The following KIAA1755 variants were observed in gnomAD, a reference collection of about 807,000 sequenced individuals.
KIAA1755 encodes KIAA1755.
In KIAA1755, 68 loss-of-function variants were observed where a neutral mutation model predicts 91.7. The ratio of observed to expected loss-of-function variants is 0.74; its 90% CI spans 0.61 to 0.91. The LOEUF is 0.91. Ranked by LOEUF, KIAA1755 falls within the 40% of genes least tolerant of loss-of-function variation. The pLI, the probability that KIAA1755 is intolerant of heterozygous loss-of-function variation, is 0.00. For missense variants in KIAA1755, 1,535 were observed against 1,494.4 expected, an observed-to-expected ratio of 1.03 and a Z score of -0.45; for synonymous variants, 610 against 604.6, an observed-to-expected ratio of 1.01 and a Z score of -0.13.
rs781333752 is a variant in KIAA1755 at position 38,223,646 on chromosome 20, A to C, written c.2170-10T>G. ...GGAAAGGGTCCAGCTTCTGCAGGAC[A>C]GAGGACCAAAGGGCAGGTGTCAGCC... On this transcript the variant is annotated splice_polypyrimidine_tract_variant and intron_variant, in intron 8 of 13. Coordinates refer to ENST00000279024, the MANE Select transcript of KIAA1755 (RefSeq NM_001029864.2). 1 of 1,599,414 alleles carries C rather than the reference A, an allele frequency of 6.3e-7. No individual in the cohort carries two copies.
At position 38,213,209 on chromosome 20, in the gene KIAA1755, G is replaced by T. The variant is rs760428160; in HGVS notation, c.3436C>A (p.Pro1146Thr). The change falls in exon 14 of 14, where the codon CCT (proline) becomes ACT (threonine). Residue 1146 changes from proline to threonine, a missense_variant. By Grantham distance (38) the Pro-to-Thr change is conservative. Coordinates refer to ENST00000279024, the MANE Select transcript of KIAA1755 (RefSeq NM_001029864.2). ...AGCAAATGCTCGCGGGCAGGGTCAG[G>T]CAGCTTGTGGGAGCCTTTGCCGTCT... ...AEDGKGSHKL[P>T]DPAREHLLAT... 9.9e-6 allele frequency: 16 copies of T among 1,613,280 alleles called. No homozygotes were observed. In the South Asian group the frequency reaches 1.8e-4, roughly 18 times the overall value.
Position 38,213,818 on chromosome 20 carries a change from C to T in KIAA1755, c.2902-75G>A, listed in dbSNP as rs937111814. On this transcript the variant is annotated intron_variant, in intron 13 of 13. Transcript: ENST00000279024. ...CATGGAGGACTGAATTAATAAGTGC[C>T]CAATGCCAGGGCCCCGCTCAGCTTG... The T allele has an allele frequency of 1.6e-5, 17 of 1,071,034 alleles. No homozygotes were observed. In the African/African-American group the frequency reaches 2.7e-4, roughly 17 times the overall value. The allele number at this position is 1,071,034 out of a possible 1,614,324, so 66.3% of individuals were successfully genotyped here.
chr20:38,217,620 T>C (rs1600565430), intron 12 of KIAA1755, 146 bp from the exon 13 acceptor site: 2 of 612,870 alleles, frequency 3.3e-6, no homozygotes, highest in East Asian at 5.5e-5. Context: ...GGGACCCTAA[T>C]AGCACCCACC....
chr20:38,217,367 GGCTGCCAGCTCTGGGAACTCT>G lies in KIAA1755; in HGVS notation c.2766_2786del (p.Glu923_Ala929del). The G allele has an allele frequency of 6.2e-7, 1 of 1,613,420 alleles. No individual in the cohort carries two copies. Among genetic ancestry groups the G allele is most frequent in the East Asian group, 2.2e-5 (1 of 44,860 alleles). ...GGAAGGCCCGCTGGGTAGAGGCAAA[GGCTGCCAGCTCTGGGAACTCT>G]GCACGTTCTGCCTCCCCAGCCCCTC... On this transcript the variant is annotated inframe_deletion, in exon 13 of 14. Transcript: ENST00000279024.
At chr20:38,256,570 A>G (rs957115427) in intron 1 of KIAA1755, among the ~76,000 whole-genome samples, 2 of 152,164 alleles carry the variant, frequency 1.3e-5, no homozygotes, top group African/African-American at 2.4e-5. Flanking sequence ...TTGGGAGGCC[A>G]AGGCAGGAGA....
chr20:38,219,554 G>C (rs961689865), intron 11 of KIAA1755, 76 bp downstream of exon 11: 3 of 1,564,412 alleles, frequency 1.9e-6, no homozygotes, highest in Non-Finnish European at 2.6e-6. Flanking sequence ...GACTAGGGAC[G>C]GGCCCAGAGT....
At chr20:38,215,070 G>T (rs1272938275) in intron 13 of KIAA1755, among the ~76,000 whole-genome samples, 2 of 152,228 alleles carry the variant, frequency 1.3e-5, no homozygotes, top group Non-Finnish European at 2.9e-5. Flanking sequence ...TCCCCACCAG[G>T]GGCTGAGCCT....
In KIAA1755 at chr20:38,260,729, G is replaced by A; in HGVS notation, c.-229C>T. On this transcript the variant is annotated 5_prime_UTR_variant, in exon 1 of 14. Transcript: ENST00000279024. Reference sequence around the variant, plus strand: ...GAGGGACTGAGGCTGGAGACGGCGAGAGACATAAGGGAGCCGCGGGCGGCG... The same window carrying A: ...GAGGGACTGAGGCTGGAGACGGCGAAAGACATAAGGGAGCCGCGGGCGGCG... 2 of 404,120 alleles carry A rather than the reference G, an allele frequency of 4.9e-6. No individual in the cohort carries two copies. The highest frequency in any genetic ancestry group is 8.2e-6 in the Non-Finnish European group (2 of 242,570). The allele number at this position is 404,120 out of a possible 1,614,324, so 25.0% of individuals were successfully genotyped here.
chr20:38,232,697 T>C (rs1419382484), intron 4 of KIAA1755, among the ~76,000 whole-genome samples: 1 of 152,052 alleles, frequency 6.6e-6, no homozygotes. Context: ...ATCCTCTTGA[T>C]ATTATGGATT....
chr20:38,221,553 G>A (rs1297946277), intron 10 of KIAA1755, among the ~76,000 whole-genome samples: 1 of 152,186 alleles, frequency 6.6e-6, no homozygotes, highest in African/African-American at 2.4e-5. Context: ...CCAGCTATGT[G>A]ACCCTGGACT....
rs773769095 is a variant in KIAA1755, at chr20:38,246,149, G to T, written c.4-23C>A. 10 of 1,595,300 alleles carry T rather than the reference G, an allele frequency of 6.3e-6. No individual in the cohort carries two copies. The East Asian group carries it at 1.3e-4, about 21-fold the overall frequency. ...GTCCTGTGGGGGACAGGAGGAGGGGGTGATAATAGCAATGATAATAAGGGC... is the reference window on the plus strand; with the variant it reads ...GTCCTGTGGGGGACAGGAGGAGGGGTTGATAATAGCAATGATAATAAGGGC... On this transcript the variant is annotated intron_variant, in intron 1 of 13. Transcript: ENST00000279024.
intron 1 of KIAA1755, among the ~76,000 whole-genome samples, chr20:38,252,866 T>C (rs576287752): frequency 6.6e-6 from 1 of 152,140 alleles, no homozygotes; most frequent in East Asian, 1.9e-4. Flanking sequence ...GCCATCCAAG[T>C]ATTGGAGGAA....
At chr20:38,246,164 A>G in intron 1 of KIAA1755, 38 bp from the exon 2 acceptor site, 2 of 1,557,324 alleles carry the variant, frequency 1.3e-6, no homozygotes. Context: ...AATAGCAATG[A>G]TAATAAGGGC....
intron 5 of KIAA1755, among the ~76,000 whole-genome samples, chr20:38,229,477 G>A (rs1449666251): frequency 1.3e-5 from 2 of 152,216 alleles, no homozygotes; most frequent in Admixed American, 1.3e-4. Flanking sequence ...CTCTGGCGAT[G>A]CCCATGCTGG....
In KIAA1755 at chr20:38,240,997, C is replaced by T. The variant is rs1256148438; in HGVS notation, c.1134G>A (p.Glu378=). The T allele has an allele frequency of 3.1e-6, 5 of 1,614,166 alleles. No homozygotes were observed. The highest frequency in any genetic ancestry group is 4.2e-6 in the Non-Finnish European group (5 of 1,180,032). ...PPQGSYMNVL[E]DALDCASGLR... is the part of the protein sequence containing the mutation. ...GACCAGAGGCACAGTCCAGTGCGTC[C>T]TCAAGGACATTCATGTAGGAGCCTT... Residue 378 remains glutamate (E), a synonymous_variant, in exon 3 of 14, where the codon GAG becomes GAA. Transcript: ENST00000279024.
chr20:38,225,735 G>A lies in KIAA1755; in HGVS notation c.2099C>T (p.Pro700Leu). The change falls in exon 8 of 14, where the codon CCC (proline) becomes CTC (leucine). Residue 700 changes from proline to leucine, a missense_variant. Coordinates refer to ENST00000279024, the MANE Select transcript of KIAA1755 (RefSeq NM_001029864.2). ...SLKALSHHVD[P>L]SQLPAVLEGP... is the part of the protein sequence containing the mutation. Reference sequence around the variant, plus strand: ...TTCCAGGACTGCGGGCAGCTGGCTGGGGTCCACATGGTGGCTGAGGGCCTT... The same window carrying A: ...TTCCAGGACTGCGGGCAGCTGGCTGAGGTCCACATGGTGGCTGAGGGCCTT... The A allele has an allele frequency of 6.2e-7, 1 of 1,606,648 alleles. No individual in the cohort carries two copies. The highest frequency in any genetic ancestry group is 8.5e-7 in the Non-Finnish European group (1 of 1,176,718).
At chr20:38,246,588 A>G (rs1416250629) in intron 1 of KIAA1755, among the ~76,000 whole-genome samples, 1 of 152,214 alleles carries the variant, frequency 6.6e-6, no homozygotes, top group Non-Finnish European at 1.5e-5. Flanking sequence ...CAGACCAGAC[A>G]GCCCCACTCC....
chr20:38,222,585 A>C lies in KIAA1755; in HGVS notation c.2281T>G (p.Cys761Gly). The change falls in exon 10 of 14, where the codon TGC becomes GGC. Residue 761 changes from cysteine (C) to glycine (G), a missense_variant. Transcript: ENST00000279024. ...ATCAGCTCCTTGGACTTGCTCAGGC[A>C]CCTGGTAGCCTCCTGCCAGCGTAGG... ...PPGGMQEATRCLSKSKELMEA... is the reference protein window; with the variant it reads ...PPGGMQEATRGLSKSKELMEA... 1 of 1,612,484 alleles carries C rather than the reference A, an allele frequency of 6.2e-7. No homozygotes were observed. The highest frequency in any genetic ancestry group is 8.5e-7 in the Non-Finnish European group (1 of 1,179,964).
Position 38,239,563 on chromosome 20 carries a change from A to G in KIAA1755, c.1712T>C (p.Val571Ala). ...TGCTATCCTGGAGCGGAAAACCTTG[A>G]CACCTAGAGCCCCAATCCTGGGCTC... is the stretch of plus-strand genomic sequence containing the variant. Reference protein sequence around the residue: ...GPEPRIGALGVKVFRSRIACL... With the variant: ...GPEPRIGALGAKVFRSRIACL... The change falls in exon 4 of 14, where the codon GTC becomes GCC. Residue 571 changes from valine (V) to alanine (A), a missense_variant. Val to Ala is a moderately conservative substitution (Grantham distance 64, BLOSUM62 0). Coordinates refer to ENST00000279024, the MANE Select transcript of KIAA1755 (RefSeq NM_001029864.2). The G allele has an allele frequency of 6.2e-7, 1 of 1,613,540 alleles. No individual in the cohort carries two copies. Among genetic ancestry groups the G allele is most frequent in the Non-Finnish European group, 8.5e-7 (1 of 1,179,784 alleles).
Sources: allele counts gnomAD v4.1 joint callset (sites outside exome capture counted in the v4.1 genomes callset), GRCh38; gene constraint gnomAD v4.1.1; transcripts MANE v1.5; gene names NCBI Gene and HGNC (gene_info 2026-07-23, HGNC 2026-07-21).